Variants in MAN1A2 observed in about 807,000 individuals in gnomAD.
The protein encoded by MAN1A2 is mannosyl-oligosaccharide 1,2-alpha-mannosidase IB.
In MAN1A2, 26 loss-of-function variants were observed where a neutral mutation model predicts 75.7. That is an observed-to-expected ratio of 0.34 (90% confidence interval 0.25 to 0.48). The LOEUF (loss-of-function observed/expected upper bound fraction) is 0.48, where lower values mean the gene tolerates loss of function less well. Among genes scored for constraint, MAN1A2 ranks in the 20% least tolerant of loss-of-function variants. The pLI is 0.99. For missense variants in MAN1A2, 562 were observed against 775.5 expected (o/e 0.72, Z 3.27); for synonymous variants, 247 against 264.6 (o/e 0.93, Z 0.65).
intron 12 of MAN1A2, 34 bp from the exon 13 acceptor site, chr1:117,522,791 A>G (rs1440290256): frequency 6.2e-7 from 1 of 1,600,024 alleles, no homozygotes; most frequent in Admixed American, 1.7e-5. Flanking sequence ...GTTGAATTCT[A>G]ACTGAAGCTC....
chr1:117,407,971 T>C (rs1356078374), intron 3 of MAN1A2, among the ~76,000 whole-genome samples: 1 of 152,202 alleles, frequency 6.6e-6, no homozygotes, highest in African/African-American at 2.4e-5. Flanking sequence ...GATTAGGTCT[T>C]GTGCCCATTG....
At chr1:117,469,117 G>A (rs527424859) in intron 8 of MAN1A2, among the ~76,000 whole-genome samples, 2 of 152,160 alleles carry the variant, frequency 1.3e-5, no homozygotes, top group East Asian at 3.9e-4. Context: ...AGGTTGCAGT[G>A]AACCGAGATT....
At chr1:117,481,352 T>A (rs1343831372) in intron 8 of MAN1A2, among the ~76,000 whole-genome samples, 5 of 151,904 alleles carry the variant, frequency 3.3e-5, no homozygotes, top group African/African-American at 1.2e-4. Flanking sequence ...ATTTTTCTTG[T>A]TTGCCTTCTG....
intron 8 of MAN1A2, among the ~76,000 whole-genome samples, chr1:117,487,136 A>G (rs1256770312): frequency 3.9e-5 from 6 of 152,080 alleles, no homozygotes; most frequent in Non-Finnish European, 4.4e-5. Context: ...AATAAAATTA[A>G]GTGAGAGAGC....
At chr1:117,511,080 C>T (rs1343174756) in intron 12 of MAN1A2, among the ~76,000 whole-genome samples, 1 of 151,934 alleles carries the variant, frequency 6.6e-6, no homozygotes, top group Non-Finnish European at 1.5e-5. Flanking sequence ...TAAATCGTGG[C>T]AGAAGGGGAG....
At chr1:117,456,919 A>G (rs747490470) in intron 6 of MAN1A2, among the ~76,000 whole-genome samples, 11 of 152,112 alleles carry the variant, frequency 7.2e-5, no homozygotes, top group African/African-American at 2.4e-4. Flanking sequence ...CCTACAAATG[A>G]AGATACTTCA....
intron 1 of MAN1A2, among the ~76,000 whole-genome samples, chr1:117,391,142 A>T (rs931825981): frequency 1.3e-5 from 2 of 152,142 alleles, no homozygotes; most frequent in African/African-American, 2.4e-5. Flanking sequence ...TTCTACTCTA[A>T]TCCCATTGTA....
At chr1:117,448,450 GGA>G (rs1649307527) in intron 6 of MAN1A2, among the ~76,000 whole-genome samples, 1 of 152,212 alleles carries the variant, frequency 6.6e-6, no homozygotes, top group East Asian at 1.9e-4. Flanking sequence ...TAGCAGTAAA[GGA>G]CTTTACATAG....
intron 4 of MAN1A2, among the ~76,000 whole-genome samples, chr1:117,417,627 T>C (rs1648045427): frequency 6.8e-6 from 1 of 147,188 alleles, no homozygotes; most frequent in Admixed American, 6.9e-5. Context: ...TGTGCTCTGG[T>C]GTCAGGAGCA....
intron 1 of MAN1A2, among the ~76,000 whole-genome samples, chr1:117,401,038 C>T (rs1245732627): frequency 6.6e-6 from 1 of 152,062 alleles, no homozygotes; most frequent in African/African-American, 2.4e-5. Context: ...ATCTCTAGTT[C>T]CTGGCTACCA....
intron 12 of MAN1A2, among the ~76,000 whole-genome samples, chr1:117,508,415 T>TG (rs1491140416): frequency 6.6e-6 from 1 of 151,606 alleles, no homozygotes; most frequent in Non-Finnish European, 1.5e-5. Context: ...TCAGAGTCTC[T>TG]GGGGCAGAAA....
intron 12 of MAN1A2, among the ~76,000 whole-genome samples, chr1:117,511,081 A>G (rs185703141): frequency 1.3e-5 from 2 of 152,224 alleles, no homozygotes; most frequent in Non-Finnish European, 2.9e-5. Flanking sequence ...AAATCGTGGC[A>G]GAAGGGGAGG....
At chr1:117,431,566 T>G (rs1349268878) in intron 5 of MAN1A2, among the ~76,000 whole-genome samples, 1 of 152,214 alleles carries the variant, frequency 6.6e-6, no homozygotes, top group Non-Finnish European at 1.5e-5. Context: ...TGAGTACACT[T>G]TCTTTTCAAG....
chr1:117,472,804 A>G (rs973653083), intron 8 of MAN1A2, among the ~76,000 whole-genome samples: 2 of 152,038 alleles, frequency 1.3e-5, no homozygotes, highest in African/African-American at 2.4e-5. Context: ...ACTTTCTTAA[A>G]ACATGAGATT....
rs1288145681 is a variant in MAN1A2 at position 117,428,400 on chromosome 1, C to T, written c.855+7751C>T. The stretch of plus-strand genomic sequence containing the variant: ...AAAGTGCTGGGATTACAAATGAAAG[C>T]CACTGTGCCCTGCCTAGAAAATATT... On this transcript the variant is annotated intron_variant, in intron 5 of 12. Transcript: ENST00000356554. Among the ~76,000 whole-genome samples the T allele has an allele frequency of 2.0e-5, 3 of 151,862 alleles. No individual in the cohort carries two copies. In the East Asian group the frequency reaches 5.8e-4, roughly 29 times the overall value.
chr1:117,470,134 A>G (rs967867888), intron 8 of MAN1A2, among the ~76,000 whole-genome samples: 2 of 152,186 alleles, frequency 1.3e-5, no homozygotes, highest in Admixed American at 6.5e-5. Context: ...CTCAGCCATA[A>G]AAAGGAATGG....
At chr1:117,439,083 C>T (rs1570745523) in intron 5 of MAN1A2, among the ~76,000 whole-genome samples, 1 of 151,888 alleles carries the variant, frequency 6.6e-6, no homozygotes, top group African/African-American at 2.4e-5. Context: ...ATAGGCATAG[C>T]AAATAAAAAG....
At chr1:117,454,581 T>C (rs1649521000) in intron 6 of MAN1A2, among the ~76,000 whole-genome samples, 2 of 152,182 alleles carry the variant, frequency 1.3e-5, no homozygotes, top group Admixed American at 1.3e-4. Context: ...GCTTAGAGAA[T>C]TTATTGCCAG....
intron 1 of MAN1A2, among the ~76,000 whole-genome samples, chr1:117,368,825 G>C (rs1028307277): frequency 6.6e-6 from 1 of 152,156 alleles, no homozygotes; most frequent in African/African-American, 2.4e-5. Flanking sequence ...GACATAAGCT[G>C]TGCCTGCATT....
Sources: gnomAD v4.1 joint callset for allele counts (sites outside exome capture counted in the v4.1 genomes callset) on GRCh38, gnomAD v4.1.1 for gene constraint, MANE v1.5 for transcripts, NCBI Gene and HGNC (gene_info 2026-07-23, HGNC 2026-07-21) for gene names.